PLEKHM3: variants seen among roughly 807,000 people sequenced by gnomAD.
PLEKHM3 encodes the protein pleckstrin homology domain-containing family M member 3.
Under a neutral mutation model 81.8 loss-of-function variants are expected in PLEKHM3, and 45 were observed. That is an observed-to-expected ratio of 0.55 (90% CI 0.43 to 0.71). The LOEUF (loss-of-function observed/expected upper bound fraction) is 0.71. Among genes scored for constraint, PLEKHM3 ranks in the 30% least tolerant of loss-of-function variants. The probability of loss-of-function intolerance (pLI) is 0.00; values close to 1 mark genes in which losing one functional copy is unlikely to be tolerated. For missense variants in PLEKHM3, 788 were observed against 924.3 expected (o/e 0.85, Z 1.91); for synonymous variants, 352 against 356.4 (o/e 0.99, Z 0.14).
At chr2:207,909,054 G>A (rs749397528) in intron 5 of PLEKHM3, among the ~76,000 whole-genome samples, 5 of 152,188 alleles carry the variant, frequency 3.3e-5, no homozygotes, top group South Asian at 2.1e-4. Flanking sequence ...GTGGCCACTC[G>A]TGTCTAGAGG....
intron 5 of PLEKHM3, among the ~76,000 whole-genome samples, chr2:207,924,938 G>T (rs778890847): frequency 2.0e-5 from 3 of 152,034 alleles, no homozygotes; most frequent in Admixed American, 6.6e-5. Flanking sequence ...GGAGAAGGAG[G>T]TCTAGGAGAA....
At chr2:207,981,863 T>C (rs1260066905) in intron 2 of PLEKHM3, among the ~76,000 whole-genome samples, 1 of 152,206 alleles carries the variant, frequency 6.6e-6, no homozygotes, top group Non-Finnish European at 1.5e-5. Context: ...TATCATATAA[T>C]AATGAAGTGA....
At chr2:207,859,783 A>G (rs2092457309) in intron 7 of PLEKHM3, among the ~76,000 whole-genome samples, 1 of 151,908 alleles carries the variant, frequency 6.6e-6, no homozygotes, top group Admixed American at 6.6e-5. Context: ...TCTTTAGTAG[A>G]GACGGGGTTT....
At chr2:207,950,401 A>C (rs988241017) in intron 3 of PLEKHM3, among the ~76,000 whole-genome samples, 3 of 152,174 alleles carry the variant, frequency 2.0e-5, no homozygotes, top group African/African-American at 4.8e-5. Flanking sequence ...CCTCACCACA[A>C]AATAAACGTG....
intron 4 of PLEKHM3, among the ~76,000 whole-genome samples, chr2:207,939,498 G>C (rs1349831874): frequency 1.3e-5 from 2 of 152,130 alleles, no homozygotes; most frequent in Non-Finnish European, 2.9e-5. Context: ...GGCAGGCAGG[G>C]ACTAAGGATC....
chr2:207,880,306 C>T (rs1206061027), intron 6 of PLEKHM3, among the ~76,000 whole-genome samples: 1 of 151,738 alleles, frequency 6.6e-6, no homozygotes, highest in Non-Finnish European at 1.5e-5. Context: ...ACTGGGGAGG[C>T]TGAGGCACAG....
intron 1 of PLEKHM3, among the ~76,000 whole-genome samples, chr2:208,015,020 A>C (rs543344133): frequency 6.6e-6 from 1 of 152,370 alleles, no homozygotes; most frequent in South Asian, 2.1e-4. Context: ...AGTTCTTATA[A>C]GTTCTAATCT....
chr2:207,903,228 A>G lies in PLEKHM3; in HGVS notation c.1950+5286T>C, dbSNP rs562711214. Among the ~76,000 whole-genome samples, 10 of 152,302 alleles carry G rather than the reference A, an allele frequency of 6.6e-5. No homozygotes were observed. The East Asian group carries it at 1.7e-3, about 26-fold the overall frequency. ...GGGTAATATATTTCCTATAAACTAG[A>G]ATCTAAACTGCCCTCACCTAAAGGT... On this transcript the variant is annotated intron_variant, in intron 6 of 7. Coordinates refer to ENST00000427836, the MANE Select transcript of PLEKHM3 (RefSeq NM_001080475.3).
At chr2:207,971,721 A>G (rs530024438) in intron 3 of PLEKHM3, among the ~76,000 whole-genome samples, 1 of 152,194 alleles carries the variant, frequency 6.6e-6, no homozygotes, top group Non-Finnish European at 1.5e-5. Flanking sequence ...CAGATTCCCC[A>G]TTGCCAAACA....
intron 7 of PLEKHM3, among the ~76,000 whole-genome samples, chr2:207,829,893 A>T (rs2092275633): frequency 6.6e-6 from 1 of 152,032 alleles, no homozygotes; most frequent in Admixed American, 6.6e-5. Context: ...ATTATCTCCT[A>T]GTCTGCCACT....
At chr2:207,876,932 C>T (rs1037318952) in intron 6 of PLEKHM3, among the ~76,000 whole-genome samples, 1 of 152,034 alleles carries the variant, frequency 6.6e-6, no homozygotes, top group Admixed American at 6.6e-5. Flanking sequence ...TTTTTTTAGT[C>T]CATTCCTCAT....
chr2:207,896,573 T>C (rs545393127), intron 6 of PLEKHM3, among the ~76,000 whole-genome samples: 2 of 152,338 alleles, frequency 1.3e-5, no homozygotes, highest in Non-Finnish European at 1.5e-5. Context: ...GGGAGATGCA[T>C]GGAATTTAAA....
intron 7 of PLEKHM3, among the ~76,000 whole-genome samples, chr2:207,854,594 T>C (rs986325998): frequency 3.3e-5 from 5 of 152,230 alleles, no homozygotes; most frequent in African/African-American, 1.2e-4. Flanking sequence ...TCTCTTTGCC[T>C]TTTCACAGGG....
Position 207,976,506 on chromosome 2 carries a change from T to G in PLEKHM3, c.1546+145A>C. 1.3e-6 allele frequency: 1 copy of G among 758,312 alleles called. No homozygotes were observed. The highest frequency in any genetic ancestry group is 1.9e-5 in the South Asian group (1 of 51,402). The allele number at this position is 758,312 out of a possible 1,614,324, so 47.0% of individuals were successfully genotyped here. ...AGTAATTTAATATAGGATGTTTTAA[T>G]ACAGTAAGCTTCTCGAGGAGAGATA... On this transcript the variant is annotated intron_variant, in intron 3 of 7. Coordinates refer to ENST00000427836, the MANE Select transcript of PLEKHM3 (RefSeq NM_001080475.3). The surrounding 1 kb of genome is among the most constrained non-coding windows in gnomAD (Gnocchi z 4.1).
intron 6 of PLEKHM3, among the ~76,000 whole-genome samples, chr2:207,880,908 T>A (rs1483975369): frequency 1.3e-5 from 2 of 151,428 alleles, no homozygotes; most frequent in African/African-American, 4.8e-5. Context: ...TTGTGTTTTT[T>A]AATGACAATG....
chr2:207,948,346 G>C (rs1342386166), intron 3 of PLEKHM3, among the ~76,000 whole-genome samples: 1 of 125,582 alleles, frequency 8.0e-6, no homozygotes, highest in Non-Finnish European at 1.7e-5. Flanking sequence ...AAACTCCTCA[G>C]ATCTTTTTTT....
intron 1 of PLEKHM3, among the ~76,000 whole-genome samples, chr2:208,011,906 T>C (rs1692710357): frequency 6.7e-6 from 1 of 148,270 alleles, no homozygotes; most frequent in Non-Finnish European, 1.5e-5. Flanking sequence ...CAAGTGACTC[T>C]CCTGCTCAGC....
intron 1 of PLEKHM3, among the ~76,000 whole-genome samples, chr2:208,025,038 C>A (rs1388534215): frequency 6.6e-6 from 1 of 152,150 alleles, no homozygotes; most frequent in Non-Finnish European, 1.5e-5. Flanking sequence ...GAAGCCCCAG[C>A]CTGATGTAGG....
In PLEKHM3 at chr2:207,824,019, G is replaced by A. The variant is rs2105872019; in HGVS notation, c.*4300C>T. On this transcript the variant is annotated 3_prime_UTR_variant, in exon 8 of 8. Transcript: ENST00000427836. ...CTTGTCTGTTTACATTAACCGAGCAGAGCTTAGTCACCCATCACTGGATTC... is the reference window on the plus strand; with the variant it reads ...CTTGTCTGTTTACATTAACCGAGCAAAGCTTAGTCACCCATCACTGGATTC... 1 of 152,342 alleles carries A rather than the reference G, an allele frequency of 6.6e-6. No homozygotes were observed. Among genetic ancestry groups the A allele is most frequent in the East Asian group, 1.9e-4 (1 of 5,182 alleles). The allele number at this position is 152,342 out of a possible 1,614,324, so 9.4% of individuals were successfully genotyped here.
Sources: gnomAD v4.1 joint callset for allele counts (sites outside exome capture counted in the v4.1 genomes callset) on GRCh38, gnomAD v4.1.1 for gene constraint, Gnocchi (gnomAD v3.1) non-coding constraint, MANE v1.5 for transcripts, NCBI Gene and HGNC (gene_info 2026-07-23, HGNC 2026-07-21) for gene names.